The following CEMIP variants were observed in gnomAD, a reference collection of about 807,000 sequenced individuals.
The protein encoded by CEMIP is cell migration-inducing and hyaluronan-binding protein.
CEMIP carries 105 observed loss-of-function variants against 156.9 expected under a neutral mutation model. That is an observed-to-expected ratio of 0.67 (90% CI 0.57 to 0.79). The LOEUF (loss-of-function observed/expected upper bound fraction) is 0.79. CEMIP is among the 30% of genes least tolerant of loss of function. The probability of loss-of-function intolerance (pLI) is 0.00; values close to 1 mark genes in which losing one functional copy is unlikely to be tolerated. For synonymous variants in CEMIP, 676 were observed against 668.4 expected, an observed-to-expected ratio of 1.01 and a Z score of -0.17; for missense variants, 1,457 against 1,769.4, an observed-to-expected ratio of 0.82 and a Z score of 3.17.
In CEMIP at chr15:80,848,896, G is replaced by A. The variant is rs868419189; in HGVS notation, c.-175-24642G>A. 1.0e-3 allele frequency among the ~76,000 whole-genome samples: 18 copies of A among 17,786 alleles called. 1 individual carries two copies. Among genetic ancestry groups the A allele is most frequent in the South Asian group, 3.7e-3 (1 of 268 alleles). 11.7% of individuals were successfully genotyped at this position (17,786 alleles called of 152,430 possible). On this transcript the variant is annotated intron_variant, in intron 1 of 29. Transcript: ENST00000394685. ...AGTGTGTTCTCTGATGAGCGTGTGCGCGTGCACACACACACACACACACAC... is the reference window on the plus strand; with the variant it reads ...AGTGTGTTCTCTGATGAGCGTGTGCACGTGCACACACACACACACACACAC...
At chr15:80,897,379 G>A in intron 12 of CEMIP, 1 of 455,944 alleles carries the variant, frequency 2.2e-6, no homozygotes, top group Non-Finnish European at 4.4e-6. Context: ...AACACTGATG[G>A]AATTCAGTCC....
intron 23 of CEMIP, among the ~76,000 whole-genome samples, chr15:80,933,925 A>G (rs1901021135): frequency 6.6e-6 from 1 of 152,244 alleles, no homozygotes; most frequent in Non-Finnish European, 1.5e-5. Context: ...TTAAAAAGTA[A>G]AAAGAAACAG....
rs528925849 is a variant in CEMIP at position 80,937,082 on chromosome 15, T to C, written c.3221+197T>C. On this transcript the variant is annotated intron_variant, in intron 24 of 29. Coordinates refer to ENST00000394685, the MANE Select transcript of CEMIP (RefSeq NM_001293298.2). ...GCCCCCGCTCCAGCATGGGTAACCT[T>C]GGCCAGCGCACGTAACCTCTTGAGC... Among the ~76,000 whole-genome samples, 3 of 152,332 alleles carry C rather than the reference T, an allele frequency of 2.0e-5. No individual in the cohort carries two copies. The South Asian group carries it at 6.2e-4, about 32-fold the overall frequency.
At chr15:80,904,759 G>T (rs934762070) in intron 12 of CEMIP, among the ~76,000 whole-genome samples, 14 of 152,112 alleles carry the variant, frequency 9.2e-5, no homozygotes, top group African/African-American at 3.1e-4. Flanking sequence ...CCTCCATGAG[G>T]AACCAGCCCT....
intron 13 of CEMIP, among the ~76,000 whole-genome samples, chr15:80,907,890 A>G (rs1162552582): frequency 1.3e-5 from 2 of 152,254 alleles, no homozygotes; most frequent in Non-Finnish European, 2.9e-5. Context: ...TAAAGCTAAT[A>G]TCACGCACTT....
rs1900992126 is a variant in CEMIP at position 80,933,228 on chromosome 15, T to C, written c.2794-17T>C. ...TTCACCTTCTAGCCCTGCCTAACTTTCCTGGGCTCTGTTTAGATTACTTCC... is the reference window on the plus strand; with the variant it reads ...TTCACCTTCTAGCCCTGCCTAACTTCCCTGGGCTCTGTTTAGATTACTTCC... On this transcript the variant is annotated splice_polypyrimidine_tract_variant and intron_variant, in intron 22 of 29. Coordinates refer to ENST00000394685, the MANE Select transcript of CEMIP (RefSeq NM_001293298.2). 2 of 1,610,982 alleles carry C rather than the reference T, an allele frequency of 1.2e-6. No individual in the cohort carries two copies. The highest frequency in any genetic ancestry group is 1.7e-5 in the Admixed American group (1 of 60,026).
intron 1 of CEMIP, among the ~76,000 whole-genome samples, chr15:80,788,970 G>A (rs982467347): frequency 3.5e-4 from 53 of 151,744 alleles, no homozygotes; most frequent in African/African-American, 1.2e-3. Flanking sequence ...GAAATTTTTG[G>A]TGCTAATTTT....
chr15:80,888,920 A>T, intron 9 of CEMIP, 124 bp downstream of exon 9: 1 of 925,552 alleles, frequency 1.1e-6, no homozygotes, highest in Non-Finnish European at 1.8e-6. Flanking sequence ...TGCAGAATCA[A>T]CTAAAAATGT....
At chr15:80,837,699 A>T (rs1056285631) in intron 1 of CEMIP, among the ~76,000 whole-genome samples, 23 of 152,246 alleles carry the variant, frequency 1.5e-4, no homozygotes, top group Admixed American at 4.6e-4. Context: ...ATTCTAGAGC[A>T]TCTGAACCAA....
At chr15:80,924,065 A>G (rs1445954143) in intron 17 of CEMIP, among the ~76,000 whole-genome samples, 1 of 152,218 alleles carries the variant, frequency 6.6e-6, no homozygotes, top group Non-Finnish European at 1.5e-5. Flanking sequence ...CCTGGGCAGC[A>G]TCACTCAGCT....
At chr15:80,900,364 G>A (rs1899424621) in intron 12 of CEMIP, among the ~76,000 whole-genome samples, 1 of 152,142 alleles carries the variant, frequency 6.6e-6, no homozygotes, top group South Asian at 2.1e-4. Context: ...AAGCGGGAGA[G>A]GATAAGTGGA....
intron 1 of CEMIP, among the ~76,000 whole-genome samples, chr15:80,839,577 C>T (rs1897345603): frequency 6.6e-6 from 1 of 152,138 alleles, no homozygotes; most frequent in African/African-American, 2.4e-5. Flanking sequence ...CAACGGGGCC[C>T]TGTGCAGTGG....
intron 1 of CEMIP, among the ~76,000 whole-genome samples, chr15:80,860,127 T>C (rs1897950057): frequency 6.6e-6 from 1 of 152,214 alleles, no homozygotes. Flanking sequence ...GATGAGTCTC[T>C]CCAGTGCTTC....
chr15:80,816,692 T>C (rs1235605604), intron 1 of CEMIP, among the ~76,000 whole-genome samples: 1 of 152,150 alleles, frequency 6.6e-6, no homozygotes, highest in Non-Finnish European at 1.5e-5. Flanking sequence ...TTCTCGTATA[T>C]GTTTGCATGA....
intron 23 of CEMIP, among the ~76,000 whole-genome samples, chr15:80,935,753 T>C (rs899638227): frequency 2.6e-5 from 4 of 152,108 alleles, no homozygotes; most frequent in Non-Finnish European, 5.9e-5. Context: ...TGTTTTGAGA[T>C]GGAGTTTCGC....
chr15:80,884,446 A>G, intron 7 of CEMIP, 92 bp downstream of exon 7: 1 of 1,300,882 alleles, frequency 7.7e-7, no homozygotes, highest in Non-Finnish European at 1.1e-6. Flanking sequence ...TCCTCTCCCC[A>G]CAGCCGTACC....
chr15:80,906,769 C>T lies in CEMIP; in HGVS notation c.1518C>T (p.Asp506=). Residue 506 remains aspartate, a synonymous_variant, in exon 13 of 30, where the codon GAC becomes GAT. Coordinates refer to ENST00000394685, the MANE Select transcript of CEMIP (RefSeq NM_001293298.2). The surrounding 1 kb of genome is among the most constrained non-coding windows in gnomAD (Gnocchi z 4.3). ...RNIIVMGEME[D]KCYPYRNHIC... ...TCATAGTGATGGGGGAGATGGAGGACAAATGCTACCCCTACAGAAACCACA... is the reference window on the plus strand; with the variant it reads ...TCATAGTGATGGGGGAGATGGAGGATAAATGCTACCCCTACAGAAACCACA... The T allele has an allele frequency of 2.5e-6, 4 of 1,614,176 alleles. No individual in the cohort carries two copies. Among genetic ancestry groups the T allele is most frequent in the African/African-American group, 1.3e-5 (1 of 75,052 alleles).
intron 10 of CEMIP, among the ~76,000 whole-genome samples, chr15:80,890,021 G>T (rs937399751): frequency 6.6e-6 from 1 of 152,208 alleles, no homozygotes; most frequent in Non-Finnish European, 1.5e-5. Context: ...ATCAAAGCCA[G>T]CATTCATAGA....
chr15:80,826,850 TC>T (rs1052703131), intron 1 of CEMIP, among the ~76,000 whole-genome samples: 2 of 152,196 alleles, frequency 1.3e-5, no homozygotes, highest in African/African-American at 4.8e-5. Context: ...TCCCTTCATT[TC>T]TTAGCTACCT....
Sources: gnomAD v4.1 joint callset for allele counts (sites outside exome capture counted in the v4.1 genomes callset) on GRCh38, gnomAD v4.1.1 for gene constraint, Gnocchi (gnomAD v3.1) non-coding constraint, MANE v1.5 for transcripts, NCBI Gene and HGNC (gene_info 2026-07-23, HGNC 2026-07-21) for gene names.